Variants in SOX5 observed in about 807,000 individuals in gnomAD.
SOX5 encodes SRY-box transcription factor 5, also known as transcription factor SOX-5.
A neutral mutation model predicts 92.0 loss-of-function variants in SOX5; 9 were observed. The observed-to-expected ratio is 0.10, with a 90% CI of 0.06 to 0.17. SOX5 has a LOEUF of 0.17. Among genes scored for constraint, SOX5 ranks in the 10% least tolerant of loss-of-function variants. The probability of loss-of-function intolerance (pLI) is 1.00; values close to 1 mark genes in which losing one functional copy is unlikely to be tolerated. For missense variants in SOX5, 642 were observed against 944.5 expected (o/e 0.68, Z 4.20); for synonymous variants, 344 against 336.3 (o/e 1.02, Z -0.25).
At chr12:24,094,794 A>T (rs1945120688) in intron 4 of SOX5, among the ~76,000 whole-genome samples, 1 of 152,124 alleles carries the variant, frequency 6.6e-6, no homozygotes, top group Non-Finnish European at 1.5e-5. Flanking sequence ...TATGAATTTA[A>T]CTATTTCTGG....
chr12:23,979,980 G>C (rs558937629), intron 4 of SOX5, among the ~76,000 whole-genome samples: 2 of 151,598 alleles, frequency 1.3e-5, no homozygotes, highest in South Asian at 4.2e-4. Flanking sequence ...TAGACAGATA[G>C]ATAGATAGAT....
intron 3 of SOX5, among the ~76,000 whole-genome samples, chr12:23,792,969 A>T (rs1185251491): frequency 5.9e-5 from 9 of 152,156 alleles, no homozygotes; most frequent in Non-Finnish European, 2.9e-5. Context: ...ATCTACTGAG[A>T]CCTTAATTAA....
At chr12:24,501,124 G>A (rs1948153264) in intron 1 of SOX5, among the ~76,000 whole-genome samples, 1 of 152,178 alleles carries the variant, frequency 6.6e-6, no homozygotes, top group South Asian at 2.1e-4. Context: ...GGCAGAGACT[G>A]TGCCACAATT....
Position 23,781,523 on chromosome 12 carries a change from T to G in SOX5, c.482-25799A>C, listed in dbSNP as rs563863241. Among the ~76,000 whole-genome samples, 3 of 152,118 alleles carry G rather than the reference T, an allele frequency of 2.0e-5. No homozygotes were observed. The South Asian group carries it at 6.2e-4, about 32-fold the overall frequency. The stretch of plus-strand genomic sequence containing the variant: ...ACTTACTATCCTTCTACATTTAGAG[T>G]AATTCAAAAACTACTTTAAAATGAT... On this transcript the variant is annotated intron_variant, in intron 3 of 14. Coordinates refer to ENST00000451604, the MANE Select transcript of SOX5 (RefSeq NM_006940.6).
At chr12:23,578,199 T>A (rs1038685316) in intron 9 of SOX5, among the ~76,000 whole-genome samples, 1 of 143,188 alleles carries the variant, frequency 7.0e-6, no homozygotes, top group Non-Finnish European at 1.5e-5. Context: ...ACATGACCTG[T>A]TCAACCATAA....
chr12:23,713,483 T>C (rs1593551745), intron 6 of SOX5, among the ~76,000 whole-genome samples: 1 of 152,164 alleles, frequency 6.6e-6, no homozygotes, highest in Admixed American at 6.5e-5. Context: ...TAGAATTTCC[T>C]GCAGTTCTGG....
chr12:23,880,590 C>T (rs2096977536), intron 2 of SOX5, among the ~76,000 whole-genome samples: 2 of 152,096 alleles, frequency 1.3e-5, no homozygotes, highest in South Asian at 4.1e-4. Flanking sequence ...TCTCTATCTC[C>T]CCTTTTAATA....
chr12:23,676,166 T>C lies in SOX5; in HGVS notation c.811-10602A>G, dbSNP rs764729186. 2.6e-4 allele frequency among the ~76,000 whole-genome samples: 40 copies of C among 152,242 alleles called. 1 individual carries two copies. The highest frequency in any genetic ancestry group is 1.2e-3 in the Admixed American group (19 of 15,276). ...GATCTAATGTACAGCATGAGAGCGATAATTAATAAAATTATATACTGAAAA... is the reference window on the plus strand; with the variant it reads ...GATCTAATGTACAGCATGAGAGCGACAATTAATAAAATTATATACTGAAAA... On this transcript the variant is annotated intron_variant, in intron 6 of 14. Transcript: ENST00000451604.
chr12:23,950,785 C>T (rs1595868778), upstream of SOX5: 33 of 1,273,412 alleles, frequency 2.6e-5, no homozygotes, highest in East Asian at 8.3e-4. Flanking sequence ...AGATAAAAAT[C>T]TGGCAGCCGA....
At chr12:24,337,344 T>TG (rs1275000177) in intron 2 of SOX5, among the ~76,000 whole-genome samples, 1 of 151,674 alleles carries the variant, frequency 6.6e-6, no homozygotes, top group African/African-American at 2.4e-5. Flanking sequence ...ATTTTTCTTT[T>TG]TTTTTTTTTT....
intron 6 of SOX5, among the ~76,000 whole-genome samples, chr12:23,688,905 T>C (rs1344372637): frequency 6.6e-6 from 1 of 152,110 alleles, no homozygotes. Context: ...AACAACCAAA[T>C]AGATGAGAGT....
chr12:24,402,125 G>A (rs2136653305), intron 1 of SOX5, among the ~76,000 whole-genome samples: 1 of 152,158 alleles, frequency 6.6e-6, no homozygotes, highest in Non-Finnish European at 1.5e-5. Context: ...TAGTAATTTA[G>A]CTTGAAAAAA....
Position 23,976,775 on chromosome 12 carries a change from T to G in SOX5, c.-1-80751A>C, listed in dbSNP as rs1051791017. ...CTGATAACTCCCCTTTCAGTGATTC[T>G]ACTCACTGGAAACTCGCGACTTGTT... On this transcript the variant is annotated intron_variant, in intron 4 of 4. Coordinates refer to the SOX5 transcript ENST00000446891. Among the ~76,000 whole-genome samples, 36 of 151,994 alleles carry G rather than the reference T, an allele frequency of 2.4e-4. 1 individual carries two copies. The highest frequency in any genetic ancestry group is 1.0e-4 in the Non-Finnish European group (7 of 68,008).
intron 1 of SOX5, among the ~76,000 whole-genome samples, chr12:24,373,241 A>T (rs1056716596): frequency 1.3e-5 from 2 of 152,216 alleles, no homozygotes; most frequent in African/African-American, 4.8e-5. Context: ...ATATGTTTAG[A>T]ATATGTTCCT....
intron 1 of SOX5, among the ~76,000 whole-genome samples, chr12:24,371,739 A>G (rs1244451027): frequency 1.3e-5 from 2 of 152,178 alleles, no homozygotes; most frequent in African/African-American, 4.8e-5. Flanking sequence ...TGTAATCTCA[A>G]CACTTCGGGA....
At chr12:23,596,254 T>C (rs1462908146) in intron 9 of SOX5, among the ~76,000 whole-genome samples, 1 of 152,202 alleles carries the variant, frequency 6.6e-6, no homozygotes, top group Non-Finnish European at 1.5e-5. Context: ...CTCCATTTCG[T>C]AATGTTTAAA....
intron 9 of SOX5, among the ~76,000 whole-genome samples, chr12:23,593,366 T>A (rs138550583): frequency 3.3e-5 from 5 of 152,308 alleles, no homozygotes; most frequent in African/African-American, 1.2e-4. Flanking sequence ...AATGACTGGG[T>A]TCTTCAGCTG....
intron 2 of SOX5, among the ~76,000 whole-genome samples, chr12:24,291,801 G>A (rs1258022317): frequency 6.6e-6 from 1 of 152,166 alleles, no homozygotes; most frequent in East Asian, 1.9e-4. Context: ...TGACCAGACT[G>A]TTTTTATAGG....
chr12:24,110,443 C>G (rs376320820), intron 4 of SOX5, among the ~76,000 whole-genome samples: 1 of 152,160 alleles, frequency 6.6e-6, no homozygotes, highest in East Asian at 1.9e-4. Context: ...GTTTGATAAA[C>G]AAATGGATGA....
Sources: gnomAD v4.1 joint callset for allele counts (sites outside exome capture counted in the v4.1 genomes callset) on GRCh38, gnomAD v4.1.1 for gene constraint, MANE v1.5 for transcripts, NCBI Gene and HGNC (gene_info 2026-07-23, HGNC 2026-07-21) for gene names.